Variants in NDRG3 observed in about 807,000 individuals in gnomAD.
The protein encoded by NDRG3 is protein NDRG3.
In NDRG3, 23 loss-of-function variants were observed where a neutral mutation model predicts 57.2. The ratio of observed to expected loss-of-function variants is 0.40; its 90% CI spans 0.29 to 0.57. The LOEUF (loss-of-function observed/expected upper bound fraction) is 0.57. Among genes scored for constraint, NDRG3 ranks in the 20% least tolerant of loss-of-function variants. NDRG3 has a pLI of 0.42. For synonymous variants in NDRG3, 132 were observed against 162.6 expected (o/e 0.81, Z 1.43); for missense variants, 384 against 457.3 (o/e 0.84, Z 1.46).
chr20:36,654,924 C>A, intron 15 of NDRG3: 1 of 772,534 alleles, frequency 1.3e-6, no homozygotes, highest in South Asian at 1.4e-5. Context: ...TAGACACTGA[C>A]AGAATACTCT....
Position 36,707,005 on chromosome 20 carries a change from A to G in NDRG3, c.60T>C (p.Asn20=). The G allele has an allele frequency of 1.2e-6, 2 of 1,613,554 alleles. No homozygotes were observed. The highest frequency in any genetic ancestry group is 1.7e-5 in the Admixed American group (1 of 59,988). Residue 20 remains asparagine, a splice_region_variant and synonymous_variant, in exon 3 of 16, where the codon AAT becomes AAC. Coordinates refer to ENST00000349004, the MANE Select transcript of NDRG3 (RefSeq NM_032013.4). ...CAAAGTCCTGGAAGTTTCTTGTACC[A>G]TTCTGTCAACAGAAGACAGAAAACA... is the stretch of plus-strand genomic sequence containing the variant. ...TEIKPLLNDK[N]GTRNFQDFDC... is the part of the protein sequence containing the mutation.
Position 36,688,732 on chromosome 20 carries a change from A to G in NDRG3, c.146T>C (p.Leu49Ser), listed in dbSNP as rs1568643633. The G allele has an allele frequency of 6.2e-7, 1 of 1,614,018 alleles. No individual in the cohort carries two copies. The highest frequency in any genetic ancestry group is 8.5e-7 in the Non-Finnish European group (1 of 1,179,872). ...TATAACTGGTCTGTTTCCTTTGGGTAAGCCTCTTATAGTGACGTGGACCAC... is the reference window on the plus strand; with the variant it reads ...TATAACTGGTCTGTTTCCTTTGGGTGAGCCTCTTATAGTGACGTGGACCAC... ...HGVVHVTIRG[L>S]PKGNRPVILT... The change falls in exon 4 of 16, where the codon TTA becomes TCA. Residue 49 changes from leucine (L) to serine (S), a missense_variant. Physicochemically the swap from Leu to Ser is moderately radical, Grantham distance 145. Coordinates refer to ENST00000349004, the MANE Select transcript of NDRG3 (RefSeq NM_032013.4).
chr20:36,665,147 C>G, intron 11 of NDRG3, 50 bp from the exon 12 acceptor site: 2 of 1,608,876 alleles, frequency 1.2e-6, no homozygotes, highest in Non-Finnish European at 1.7e-6. Flanking sequence ...CACATAAATT[C>G]CACTGAACAC....
At chr20:36,683,958 C>T (rs1981556670) in intron 6 of NDRG3, among the ~76,000 whole-genome samples, 1 of 152,164 alleles carries the variant, frequency 6.6e-6, no homozygotes, top group African/African-American at 2.4e-5. Context: ...CCATTCTCTT[C>T]TCAGTGAGAT....
intron 2 of NDRG3, 105 bp from the exon 3 acceptor site, chr20:36,707,112 T>A: frequency 9.5e-7 from 1 of 1,057,100 alleles, no homozygotes; most frequent in Non-Finnish European, 1.4e-6. Context: ...AGCCTCTTGG[T>A]TGCCATAAAA....
intron 2 of NDRG3, among the ~76,000 whole-genome samples, chr20:36,715,619 A>G (rs535013263): frequency 1.4e-5 from 2 of 145,166 alleles, no homozygotes; most frequent in Non-Finnish European, 1.5e-5. Flanking sequence ...GGAGTTTGAG[A>G]TCAGCGTGGG....
At chr20:36,669,375 G>A (rs957243436) in intron 9 of NDRG3, among the ~76,000 whole-genome samples, 6 of 118 alleles carry the variant, frequency 0.051, no homozygotes, top group African/African-American at 0.1. Flanking sequence ...TACTACAGGC[G>A]CGTGCACCAC....
intron 1 of NDRG3, among the ~76,000 whole-genome samples, chr20:36,734,115 T>G (rs1985485499): frequency 6.6e-6 from 1 of 152,102 alleles, no homozygotes; most frequent in African/African-American, 2.4e-5. Context: ...ATCCCAGCAC[T>G]TTGGGAGGCC....
intron 1 of NDRG3, among the ~76,000 whole-genome samples, chr20:36,738,784 C>T (rs1275079562): frequency 2.8e-5 from 4 of 143,270 alleles, no homozygotes; most frequent in East Asian, 4.1e-4. Context: ...GATCATGCCA[C>T]TGCACTCCAG....
chr20:36,686,594 C>T (rs1462529456), intron 5 of NDRG3, among the ~76,000 whole-genome samples: 2 of 152,186 alleles, frequency 1.3e-5, no homozygotes, highest in Non-Finnish European at 2.9e-5. Context: ...CTAAGGTCTT[C>T]TCAATAAGCA....
At chr20:36,711,116 T>TA (rs577163182) in intron 2 of NDRG3, among the ~76,000 whole-genome samples, 323 of 113,646 alleles carry the variant, frequency 2.8e-3, no homozygotes, top group Middle Eastern at 0.01. Context: ...CCATCTCTAC[T>TA]AAAAAAAAAA....
intron 1 of NDRG3, among the ~76,000 whole-genome samples, chr20:36,742,721 T>C (rs958147902): frequency 2.0e-5 from 3 of 152,226 alleles, no homozygotes; most frequent in Admixed American, 6.5e-5. Context: ...TTGATTTTAG[T>C]ACAGTTAAAG....
intron 2 of NDRG3, among the ~76,000 whole-genome samples, chr20:36,714,502 C>T (rs1439282212): frequency 2.0e-5 from 3 of 146,628 alleles, no homozygotes; most frequent in Non-Finnish European, 3.0e-5. Flanking sequence ...AGTGCAATAG[C>T]GCGATCTCGA....
rs749671746 is a variant in NDRG3 at position 36,666,309 on chromosome 20, G to A, written c.672C>T (p.Leu224=). Residue 224 remains leucine (L), a synonymous_variant, in exon 10 of 16, where the codon CTC becomes CTT. Transcript: ENST00000349004. Reference sequence around the variant, plus strand: ...TATACCCATTGTAGGAATTCAAGAAGAGCTGCAGGTTGTCTTGGTTGATGT... The same window carrying A: ...TATACCCATTGTAGGAATTCAAGAAAAGCTGCAGGTTGTCTTGGTTGATGT... ...AQDINQDNLQ[L]FLNSYNGRRD... The A allele has an allele frequency of 8.7e-6, 14 of 1,613,672 alleles. No individual in the cohort carries two copies. The East Asian group carries it at 1.6e-4, about 18-fold the overall frequency.
intron 2 of NDRG3, among the ~76,000 whole-genome samples, chr20:36,715,002 GTGTGTATATATATA>G (rs1231300007): frequency 3.4e-3 from 134 of 39,534 alleles, no homozygotes; most frequent in Middle Eastern, 0.013. Flanking sequence ...GTGTGTGTGT[GTGTGTATATATATA>G]TATATATATA....
intron 8 of NDRG3, among the ~76,000 whole-genome samples, chr20:36,675,714 G>T (rs938070322): frequency 9.3e-5 from 14 of 151,092 alleles, no homozygotes; most frequent in Non-Finnish European, 1.9e-4. Flanking sequence ...TAGAGATGGG[G>T]TCTCACTATG....
intron 1 of NDRG3, among the ~76,000 whole-genome samples, chr20:36,730,292 G>C (rs1985200826): frequency 2.0e-5 from 3 of 150,508 alleles, no homozygotes; most frequent in Admixed American, 2.0e-4. Context: ...GTCTTGCTTT[G>C]TCACTCGGCT....
chr20:36,677,802 T>A (rs891454241), intron 8 of NDRG3, among the ~76,000 whole-genome samples: 1 of 152,180 alleles, frequency 6.6e-6, no homozygotes, highest in Non-Finnish European at 1.5e-5. Context: ...CCTTCACTTG[T>A]CTGTGTACCT....
chr20:36,669,058 A>ATT (rs755486543), intron 9 of NDRG3, among the ~76,000 whole-genome samples: 6 of 142,126 alleles, frequency 4.2e-5, no homozygotes, highest in Admixed American at 7.1e-5. Context: ...TGATTTTTGA[A>ATT]TTTTTTTTTT....
Sources: gnomAD v4.1 joint callset for allele counts (sites outside exome capture counted in the v4.1 genomes callset) on GRCh38, gnomAD v4.1.1 for gene constraint, MANE v1.5 for transcripts, NCBI Gene and HGNC (gene_info 2026-07-23, HGNC 2026-07-21) for gene names.